ABL1: variants seen among roughly 807,000 people sequenced by gnomAD.
ABL1 encodes the protein tyrosine-protein kinase ABL1.
Under a neutral mutation model 94.7 loss-of-function variants are expected in ABL1, and 11 were observed. The ratio of observed to expected loss-of-function variants is 0.12; its 90% CI spans 0.07 to 0.19. The LOEUF (loss-of-function observed/expected upper bound fraction) is 0.19, where lower values mean the gene tolerates loss of function less well. Among genes scored for constraint, ABL1 ranks in the 10% least tolerant of loss-of-function variants. The pLI, the probability that ABL1 is intolerant of heterozygous loss-of-function variation, is 1.00. For missense variants in ABL1, 1,082 were observed against 1,489.4 expected, an observed-to-expected ratio of 0.73 and a Z score of 4.50; for synonymous variants, 656 against 622.4, an observed-to-expected ratio of 1.05 and a Z score of -0.80.
rs190695789 is a variant in ABL1, at chr9:130,784,655, T to G, written c.137-69409T>G. ...TGGTCTGGTCTGGTCCCTGGGCCTT[T>G]CGCAGGTATCCCCTGAAGTGTGGTT... On this transcript the variant is annotated intron_variant, in intron 1 of 10. Transcript: ENST00000372348. Among the ~76,000 whole-genome samples, 4 of 152,302 alleles carry G rather than the reference T, an allele frequency of 2.6e-5. No individual in the cohort carries two copies. In the East Asian group the frequency reaches 7.7e-4, roughly 29 times the overall value.
At position 130,854,840 on chromosome 9, in the gene ABL1, A is replaced by G; in HGVS notation, c.293A>G (p.Glu98Gly). Residue 98 changes from glutamate (E) to glycine (G), a missense_variant, in exon 3 of 11, where the codon GAA (glutamate) becomes GGA (glycine). Glu to Gly is a moderately conservative substitution (Grantham distance 98). Transcript: ENST00000318560. ...GTCTTAGGCTATAATCACAATGGGG[A>G]ATGGTGTGAAGCCCAAACCAAAAAT... is the stretch of plus-strand genomic sequence containing the variant. The part of the protein sequence containing the change: ...LRVLGYNHNG[E>G]WCEAQTKNGQ... 2 of 1,614,238 alleles carry G rather than the reference A, an allele frequency of 1.2e-6. No homozygotes were observed. The highest frequency in any genetic ancestry group is 1.7e-6 in the Non-Finnish European group (2 of 1,180,036).
chr9:130,758,437 G>T (rs1832069258), intron 1 of ABL1, among the ~76,000 whole-genome samples: 1 of 151,938 alleles, frequency 6.6e-6, no homozygotes, highest in African/African-American at 2.4e-5. Context: ...TGGGATTACA[G>T]GCATGAGCCA....
chr9:130,813,139 C>T (rs974506580), intron 1 of ABL1, among the ~76,000 whole-genome samples: 26 of 152,032 alleles, frequency 1.7e-4, no homozygotes, highest in African/African-American at 5.1e-4. Flanking sequence ...CACTTGAACC[C>T]GGGAGGCAGA....
intron 1 of ABL1, among the ~76,000 whole-genome samples, chr9:130,851,146 G>A (rs1261662421): frequency 1.3e-5 from 2 of 151,908 alleles, no homozygotes; most frequent in Admixed American, 6.6e-5. Flanking sequence ...GGATGGTCTC[G>A]ATCTCCTGAC....
At chr9:130,860,938 C>T (rs1225677784) in intron 3 of ABL1, among the ~76,000 whole-genome samples, 2 of 152,316 alleles carry the variant, frequency 1.3e-5, no homozygotes, top group African/African-American at 2.4e-5. Flanking sequence ...AGTGCGTGGA[C>T]GTCACCGTGT....
Position 130,854,741 on chromosome 9 carries a change from GA to G in ABL1, c.254-55del, listed in dbSNP as rs1415220088. Reference sequence around the variant, plus strand: ...TTTTAGTAGTTACACAAGAATCAATGAAAAAGAACGAAGCTGGTTTCCAAAG... The same window carrying G: ...TTTTAGTAGTTACACAAGAATCAATGAAAAGAACGAAGCTGGTTTCCAAAG... On this transcript the variant is annotated intron_variant, in intron 2 of 10. Transcript: ENST00000318560. 7.9e-6 allele frequency: 12 copies of G among 1,526,278 alleles called. No individual in the cohort carries two copies. The Admixed American group carries it at 8.4e-5, about 11-fold the overall frequency. The allele number at this position is 1,526,278 out of a possible 1,614,324, so 94.5% of individuals were successfully genotyped here.
intron 1 of ABL1, among the ~76,000 whole-genome samples, chr9:130,753,243 C>T (rs1027932261): frequency 1.1e-4 from 16 of 151,612 alleles, no homozygotes; most frequent in African/African-American, 2.2e-4. Context: ...GGCGACAGAG[C>T]GGACTCCATC....
intron 1 of ABL1, 129 bp from the exon 2 acceptor site, chr9:130,853,935 T>A: frequency 1.1e-6 from 1 of 918,548 alleles, no homozygotes; most frequent in Non-Finnish European, 1.6e-6. Flanking sequence ...TATGTACAGA[T>A]GTTAAGAAAT....
rs921133969 is a variant in ABL1 at position 130,880,433 on chromosome 9, C to A, written c.1514-67C>A. ...GTTACCTTACAAAGAAAGAGAACCA[C>A]CACACCAAGCCAACACCAGTACTGA... is the stretch of plus-strand genomic sequence containing the variant. On this transcript the variant is annotated intron_variant, in intron 9 of 10. Transcript: ENST00000318560. The surrounding 1 kb of genome is among the most constrained non-coding windows in gnomAD (Gnocchi z 4.4). 1.3e-6 allele frequency: 2 copies of A among 1,572,202 alleles called. No individual in the cohort carries two copies. Among genetic ancestry groups the A allele is most frequent in the African/African-American group, 2.7e-5 (2 of 73,242 alleles).
Position 130,886,339 on chromosome 9 carries a change from A to G in ABL1, c.*656A>G, listed in dbSNP as rs1831583899. 1 of 234,200 alleles carries G rather than the reference A, an allele frequency of 4.3e-6. No homozygotes were observed. The highest frequency in any genetic ancestry group is 1.8e-4 in the South Asian group (1 of 5,548). The allele number at this position is 234,200 out of a possible 1,614,324, so 14.5% of individuals were successfully genotyped here. On this transcript the variant is annotated 3_prime_UTR_variant, in exon 11 of 11. Coordinates refer to ENST00000318560, the MANE Select transcript of ABL1 (RefSeq NM_005157.6). ...GGAAAACAGGGTGCTAAAGCCAACCAGCCTTTGGGTCCTGGGCAGGTGGGA... is the reference window on the plus strand; with the variant it reads ...GGAAAACAGGGTGCTAAAGCCAACCGGCCTTTGGGTCCTGGGCAGGTGGGA...
intron 1 of ABL1, among the ~76,000 whole-genome samples, chr9:130,768,012 G>T (rs1004673283): frequency 6.6e-6 from 1 of 152,150 alleles, no homozygotes; most frequent in Non-Finnish European, 1.5e-5. Flanking sequence ...GATTTCCATC[G>T]TAATTTTTTT....
intron 1 of ABL1, among the ~76,000 whole-genome samples, chr9:130,830,144 A>C (rs1830477270): frequency 6.6e-6 from 1 of 152,222 alleles, no homozygotes; most frequent in Admixed American, 6.5e-5. Context: ...GAGCATACTA[A>C]TACCATTAAT....
rs151131542 is a variant in ABL1, at chr9:130,882,288, C to G, written c.1678+1624C>G. On this transcript the variant is annotated intron_variant, in intron 10 of 10. Transcript: ENST00000318560. ...GAGCCGAGGGTGTCAATTAACTGCT[C>G]AGTGCTGAAACTGAGTGGTGCATAA... Among the ~76,000 whole-genome samples, 374 of 152,270 alleles carry G rather than the reference C, an allele frequency of 2.5e-3. 3 individuals are homozygous for G. Among genetic ancestry groups the G allele is most frequent in the African/African-American group, 8.1e-3 (335 of 41,534 alleles).
chr9:130,744,469 A>G (rs1219684567), intron 1 of ABL1, among the ~76,000 whole-genome samples: 1 of 151,380 alleles, frequency 6.6e-6, no homozygotes, highest in Non-Finnish European at 1.5e-5. Context: ...TTGTCACATG[A>G]TGAATGCTTT....
chr9:130,729,635 C>T (rs778816078), intron 1 of ABL1, among the ~76,000 whole-genome samples: 5 of 152,116 alleles, frequency 3.3e-5, no homozygotes, highest in African/African-American at 9.7e-5. Context: ...TGAAAACAGT[C>T]GTCTCAAATA....
At chr9:130,845,842 A>G (rs1434415852) in intron 1 of ABL1, among the ~76,000 whole-genome samples, 1 of 151,076 alleles carries the variant, frequency 6.6e-6, no homozygotes, top group Admixed American at 6.6e-5. Context: ...CCCGGGCAAC[A>G]AGAGCAAAAC....
At chr9:130,715,462 A>G (rs1831425627) in intron 1 of ABL1, among the ~76,000 whole-genome samples, 3 of 152,240 alleles carry the variant, frequency 2.0e-5, no homozygotes, top group South Asian at 4.1e-4. Context: ...ATGAACTTGC[A>G]TTTGACAGCT....
intron 1 of ABL1, among the ~76,000 whole-genome samples, chr9:130,789,215 G>A (rs562655275): frequency 1.2e-4 from 19 of 152,126 alleles, no homozygotes; most frequent in South Asian, 4.2e-4. Context: ...AAAATGTACG[G>A]GGGAGAAGCA....
intron 1 of ABL1, among the ~76,000 whole-genome samples, chr9:130,775,118 A>G (rs1002528419): frequency 8.5e-5 from 13 of 152,354 alleles, no homozygotes; most frequent in African/African-American, 1.4e-4. Context: ...CTAGATTACT[A>G]CAGTTCCTAG....
Sources: gnomAD v4.1 joint callset for allele counts (sites outside exome capture counted in the v4.1 genomes callset) on GRCh38, gnomAD v4.1.1 for gene constraint, Gnocchi (gnomAD v3.1) non-coding constraint, MANE v1.5 for transcripts, NCBI Gene and HGNC (gene_info 2026-07-23, HGNC 2026-07-21) for gene names.